FUT8: variants seen among roughly 807,000 people sequenced by gnomAD.
FUT8 encodes the protein alpha-(1,6)-fucosyltransferase.
FUT8 carries 29 observed loss-of-function variants against 71.3 expected under a neutral mutation model. The observed-to-expected ratio is 0.41, with a 90% CI of 0.30 to 0.55. FUT8 has a LOEUF of 0.55. FUT8 is among the 20% of genes least tolerant of loss of function. The probability of loss-of-function intolerance (pLI) is 0.34; values close to 1 mark genes in which losing one functional copy is unlikely to be tolerated. For synonymous variants in FUT8, 254 were observed against 239.3 expected, an observed-to-expected ratio of 1.06 and a Z score of -0.57; for missense variants, 544 against 702.1, an observed-to-expected ratio of 0.77 and a Z score of 2.55.
intron 3 of FUT8, among the ~76,000 whole-genome samples, chr14:65,569,052 G>A (rs1886342926): frequency 6.6e-6 from 1 of 151,650 alleles, no homozygotes; most frequent in Non-Finnish European, 1.5e-5. Context: ...TTTAAAACAT[G>A]TCATTTCATT....
At chr14:65,470,602 A>T (rs2139631497) in intron 2 of FUT8, among the ~76,000 whole-genome samples, 1 of 152,318 alleles carries the variant, frequency 6.6e-6, no homozygotes, top group South Asian at 2.1e-4. Context: ...TGGCCCAGGC[A>T]GAGCAGATAA....
chr14:65,702,792 G>A (rs980267016), intron 7 of FUT8, among the ~76,000 whole-genome samples: 4 of 151,946 alleles, frequency 2.6e-5, no homozygotes, highest in African/African-American at 9.7e-5. Flanking sequence ...AGGCTGGAGT[G>A]CAGTGGCACC....
chr14:65,421,031 A>G (rs964895818), intron 1 of FUT8, among the ~76,000 whole-genome samples: 1 of 151,960 alleles, frequency 6.6e-6, no homozygotes, highest in Non-Finnish European at 1.5e-5. Context: ...CATCTCTACT[A>G]AAAATACAAA....
At chr14:65,602,915 C>T (rs1164791596) in intron 3 of FUT8, among the ~76,000 whole-genome samples, 5 of 151,894 alleles carry the variant, frequency 3.3e-5, no homozygotes, top group Admixed American at 3.3e-4. Context: ...TTGTCAGATT[C>T]ATAGTTTGCA....
chr14:65,651,199 TA>T (rs908608369), intron 6 of FUT8, among the ~76,000 whole-genome samples: 6 of 152,148 alleles, frequency 3.9e-5, no homozygotes, highest in Non-Finnish European at 5.9e-5. Flanking sequence ...GAAAGAGACT[TA>T]AAAAAATCTG....
chr14:65,451,478 TAAG>T (rs1566755788), intron 1 of FUT8, among the ~76,000 whole-genome samples: 14 of 152,362 alleles, frequency 9.2e-5, no homozygotes, highest in Non-Finnish European at 1.3e-4. Flanking sequence ...GTGGACAGCT[TAAG>T]TGCTAACAAC....
At chr14:65,411,858 G>A (rs2065128930), upstream of FUT8, 1 of 357,156 alleles carries the variant, frequency 2.8e-6, no homozygotes, top group Non-Finnish European at 5.5e-6. Context: ...GGCACCCCTC[G>A]TCCCGCGACT....
the FUT8 span, among the ~76,000 whole-genome samples, chr14:65,363,265 GTGCCCGCCAC>G: frequency 6.6e-6 from 1 of 151,286 alleles, no homozygotes; most frequent in Non-Finnish European, 1.5e-5. Flanking sequence ...GGGATTACAG[GTGCCCGCCAC>G]CAAGCCTGGC....
At chr14:65,524,559 C>A (rs1472649368) in intron 2 of FUT8, among the ~76,000 whole-genome samples, 1 of 152,130 alleles carries the variant, frequency 6.6e-6, no homozygotes, top group African/African-American at 2.4e-5. Flanking sequence ...ATTGAATGCC[C>A]TTTATTTCTT....
intron 2 of FUT8, among the ~76,000 whole-genome samples, chr14:65,537,274 A>G (rs1168937783): frequency 1.3e-5 from 2 of 151,880 alleles, no homozygotes; most frequent in Non-Finnish European, 1.5e-5. Context: ...CAGCCCAGTT[A>G]AGAACCCTTG....
At position 65,602,929 on chromosome 14, in the gene FUT8, A is replaced by AT. The variant is rs1053898958; in HGVS notation, c.204-13042dup. Among the ~76,000 whole-genome samples, 28 of 151,500 alleles carry AT rather than the reference A, an allele frequency of 1.8e-4. No homozygotes were observed. In the East Asian group the frequency reaches 2.7e-3, roughly 15 times the overall value. On this transcript the variant is annotated intron_variant, in intron 3 of 10. Transcript: ENST00000673929. ...TTTGTCAGATTCATAGTTTGCAGAGATTTTTTTCCCACTCTGTGGGTTGTG... is the reference window on the plus strand; with the variant it reads ...TTTGTCAGATTCATAGTTTGCAGAGATTTTTTTTCCCACTCTGTGGGTTGTG...
upstream of FUT8, chr14:65,411,645 T>C (rs2065124665): frequency 5.1e-6 from 1 of 196,956 alleles, no homozygotes; most frequent in African/African-American, 2.4e-5. Flanking sequence ...ATCCCCGGTA[T>C]GTACTTTAAA....
intron 7 of FUT8, among the ~76,000 whole-genome samples, chr14:65,683,615 A>G (rs777029978): frequency 4.6e-5 from 7 of 152,214 alleles, no homozygotes; most frequent in South Asian, 2.1e-4. Flanking sequence ...TTTTCTGCCA[A>G]CATAATTAAG....
chr14:65,634,708 G>C (rs554726528), intron 6 of FUT8, among the ~76,000 whole-genome samples: 3 of 152,112 alleles, frequency 2.0e-5, no homozygotes, highest in Non-Finnish European at 2.9e-5. Context: ...TTTTATACCA[G>C]TACCATGCCA....
the FUT8 span, among the ~76,000 whole-genome samples, chr14:65,357,683 A>G: frequency 1.3e-5 from 2 of 152,222 alleles, no homozygotes; most frequent in Admixed American, 6.5e-5. Context: ...CACTAGCTGC[A>G]TAATCTTGGA....
At position 65,659,816 on chromosome 14, in the gene FUT8, A is replaced by G. The variant is rs78815602; in HGVS notation, c.598-9427A>G. ...TCCCTTTTTGAAAAGAGTACCTGTC[A>G]TATTTTTGAGGAAAGAGACCGTAAT... is the stretch of plus-strand genomic sequence containing the variant. On this transcript the variant is annotated intron_variant, in intron 6 of 10. Coordinates refer to ENST00000673929, the MANE Select transcript of FUT8 (RefSeq NM_001371533.1). 4.5e-3 allele frequency among the ~76,000 whole-genome samples: 689 copies of G among 152,044 alleles called. 6 individuals are homozygous for G. The highest frequency in any genetic ancestry group is 0.016 in the African/African-American group (655 of 41,470).
At chr14:65,512,691 A>T (rs1882430650) in intron 2 of FUT8, among the ~76,000 whole-genome samples, 2 of 151,908 alleles carry the variant, frequency 1.3e-5, no homozygotes, top group Non-Finnish European at 2.9e-5. Flanking sequence ...CGGGTGGATC[A>T]TGAGGTCAAG....
At chr14:65,591,803 C>A (rs1887702123) in intron 3 of FUT8, among the ~76,000 whole-genome samples, 1 of 149,882 alleles carries the variant, frequency 6.7e-6, no homozygotes, top group African/African-American at 2.5e-5. Flanking sequence ...GGCATGTAAA[C>A]CAAGAGAAAT....
At chr14:65,737,239 T>G (rs1896260691) in intron 10 of FUT8, among the ~76,000 whole-genome samples, 1 of 152,082 alleles carries the variant, frequency 6.6e-6, no homozygotes, top group Non-Finnish European at 1.5e-5. Flanking sequence ...CTCTCTAATT[T>G]TGTTACTATT....
Sources: allele counts gnomAD v4.1 joint callset (sites outside exome capture counted in the v4.1 genomes callset), GRCh38; gene constraint gnomAD v4.1.1; transcripts MANE v1.5; gene names NCBI Gene and HGNC (gene_info 2026-07-23, HGNC 2026-07-21).